The following CDC42EP4 variants were observed in gnomAD, a reference collection of about 807,000 sequenced individuals.
CDC42EP4 encodes CDC42 effector protein 4.
Under a neutral mutation model 5.6 loss-of-function variants are expected in CDC42EP4, and 6 were observed. The observed-to-expected ratio is 1.07, with a 90% CI of 0.59 to 2.12. The LOEUF is 2.12. CDC42EP4 is among the 30% of genes most tolerant of loss of function. The pLI is 0.00. For synonymous variants in CDC42EP4, 230 were observed against 224.2 expected (o/e 1.03, Z -0.23); for missense variants, 490 against 508.6 (o/e 0.96, Z 0.35).
At position 73,304,358 on chromosome 17, in the gene CDC42EP4, C is replaced by T. The variant is rs79084246; in HGVS notation, c.-113+7535G>A. On this transcript the variant is annotated intron_variant, in intron 1 of 1. Coordinates refer to ENST00000335793, the MANE Select transcript of CDC42EP4 (RefSeq NM_012121.5). The stretch of plus-strand genomic sequence containing the variant: ...CTGTAGCAGTGCAATCAAAGCTCAC[C>T]GTAACCTCAAACTTCTGGGCTCAAG... 1.4e-4 allele frequency among the ~76,000 whole-genome samples: 21 copies of T among 151,474 alleles called. No homozygotes were observed. The East Asian group carries it at 3.3e-3, about 24-fold the overall frequency.
At chr17:73,309,057 A>AAAAAAAAAC (rs1351897486) in intron 1 of CDC42EP4, among the ~76,000 whole-genome samples, 1 of 148,398 alleles carries the variant, frequency 6.7e-6, no homozygotes, top group Non-Finnish European at 1.5e-5. Flanking sequence ...AAAAAAAAAA[A>AAAAAAAAAC]AGGGTTGGCC....
At chr17:73,311,742 G>A (rs998754808) in intron 1 of CDC42EP4, among the ~76,000 whole-genome samples, 151 bp downstream of exon 1, 2 of 152,210 alleles carry the variant, frequency 1.3e-5, no homozygotes, top group African/African-American at 4.8e-5. Flanking sequence ...CCGAGAAGTG[G>A]GGGCTCCGCG....
intron 1 of CDC42EP4, among the ~76,000 whole-genome samples, chr17:73,303,486 A>T (rs1427891941): frequency 1.3e-5 from 2 of 151,840 alleles, no homozygotes; most frequent in Non-Finnish European, 2.9e-5. Context: ...ACATGGTGAG[A>T]CCCTGTCTCT....
At chr17:73,292,261 C>T (rs2062164971) in intron 1 of CDC42EP4, among the ~76,000 whole-genome samples, 1 of 152,258 alleles carries the variant, frequency 6.6e-6, no homozygotes, top group Admixed American at 6.5e-5. Context: ...GCTGTTCTAA[C>T]CAACCACCCG....
intron 1 of CDC42EP4, among the ~76,000 whole-genome samples, chr17:73,293,304 C>T (rs1016471720): frequency 1.3e-5 from 2 of 152,144 alleles, no homozygotes; most frequent in Admixed American, 6.6e-5. Flanking sequence ...GAGGCTGTTG[C>T]AGAAATGCAG....
rs2062125267 is a variant in CDC42EP4, at chr17:73,285,301, A to G, written c.*129T>C. 1.4e-6 allele frequency: 1 copy of G among 720,196 alleles called. No homozygotes were observed. The allele number at this position is 720,196 out of a possible 1,614,324, so 44.6% of individuals were successfully genotyped here. Reference sequence around the variant, plus strand: ...GGCCAGGCCAGTGTCCCTCATCTACAAGGTCCAGGGTCCATGGTCTGAATC... The same window carrying G: ...GGCCAGGCCAGTGTCCCTCATCTACGAGGTCCAGGGTCCATGGTCTGAATC... On this transcript the variant is annotated 3_prime_UTR_variant, in exon 2 of 2. Coordinates refer to ENST00000335793, the MANE Select transcript of CDC42EP4 (RefSeq NM_012121.5). The surrounding 1 kb of genome is among the most constrained non-coding windows in gnomAD (Gnocchi z 6.8).
At position 73,285,581 on chromosome 17, in the gene CDC42EP4, C is replaced by T. The variant is rs748430441; in HGVS notation, c.920G>A (p.Ser307Asn). Residue 307 changes from serine to asparagine, a missense_variant, in exon 2 of 2, where the codon AGC (serine) becomes AAC (asparagine). Transcript: ENST00000335793. This position sits in a 1 kb window ranked among gnomAD's most constrained non-coding sequence, Gnocchi z 6.8. ...RSMGSHTTRDSSSLSSCTSGI... is the reference protein window; with the variant it reads ...RSMGSHTTRDNSSLSSCTSGI... ...TGAGGTGCAGCTGGAGAGGGAGCTG[C>T]TGTCCCGTGTGGTGTGGCTGCCCAT... 1 of 1,611,668 alleles carries T rather than the reference C, an allele frequency of 6.2e-7. No homozygotes were observed. Among genetic ancestry groups the T allele is most frequent in the South Asian group, 1.1e-5 (1 of 91,050 alleles).
intron 1 of CDC42EP4, chr17:73,309,783 C>G (rs1034600318): frequency 6.6e-6 from 1 of 152,266 alleles, no homozygotes; most frequent in Admixed American, 6.5e-5. Flanking sequence ...ATGATCACAG[C>G]GGGCCCCTCC....
At chr17:73,303,462 C>T (rs2062229565) in intron 1 of CDC42EP4, among the ~76,000 whole-genome samples, 1 of 151,874 alleles carries the variant, frequency 6.6e-6, no homozygotes, top group Non-Finnish European at 1.5e-5. Flanking sequence ...AGGGGTTCAA[C>T]CCCAGCCTGG....
At chr17:73,308,333 T>C (rs533689594) in intron 1 of CDC42EP4, among the ~76,000 whole-genome samples, 1 of 152,270 alleles carries the variant, frequency 6.6e-6, no homozygotes, top group East Asian at 1.9e-4. Context: ...GTCAGCTCTG[T>C]TTCCAGGGCG....
At chr17:73,309,104 G>C (rs1294832358) in intron 1 of CDC42EP4, among the ~76,000 whole-genome samples, 1 of 140,612 alleles carries the variant, frequency 7.1e-6, no homozygotes, top group African/African-American at 2.6e-5. Flanking sequence ...CCAGCACTTT[G>C]AGAGGCCGAG....
At chr17:73,304,023 GA>G (rs1408754415) in intron 1 of CDC42EP4, among the ~76,000 whole-genome samples, 1 of 152,114 alleles carries the variant, frequency 6.6e-6, no homozygotes, top group Non-Finnish European at 1.5e-5. Context: ...GAACACTCCG[GA>G]ATAACATCTC....
chr17:73,299,792 C>T (rs2062209345), intron 1 of CDC42EP4, among the ~76,000 whole-genome samples: 1 of 152,104 alleles, frequency 6.6e-6, no homozygotes, highest in Non-Finnish European at 1.5e-5. Flanking sequence ...GGAGCTAAGA[C>T]TCACATTACT....
At position 73,285,784 on chromosome 17, in the gene CDC42EP4, G is replaced by A. The variant is rs145967511; in HGVS notation, c.717C>T (p.Tyr239=). The A allele has an allele frequency of 6.2e-7, 1 of 1,601,324 alleles. No individual in the cohort carries two copies. The highest frequency in any genetic ancestry group is 1.3e-5 in the African/African-American group (1 of 74,792). The change falls in exon 2 of 2, where the codon TAC becomes TAT. Residue 239 remains tyrosine, a synonymous_variant. Transcript: ENST00000335793. The surrounding 1 kb of genome is among the most constrained non-coding windows in gnomAD (Gnocchi z 6.8). ...EWDPEEGEGG[Y]HGDEGAAGTI... ...TGCCAGCGGCGCCCTCATCGCCATGGTAACCACCCTCCCCCTCCTCGGGGT... is the reference window on the plus strand; with the variant it reads ...TGCCAGCGGCGCCCTCATCGCCATGATAACCACCCTCCCCCTCCTCGGGGT...
intron 1 of CDC42EP4, among the ~76,000 whole-genome samples, chr17:73,299,021 T>C (rs558841880): frequency 7.9e-5 from 12 of 151,942 alleles, no homozygotes; most frequent in African/African-American, 2.9e-4. Flanking sequence ...AGTGGTGCTA[T>C]CATGGCTCAC....
In CDC42EP4 at chr17:73,305,142, G is replaced by A. The variant is rs562885540; in HGVS notation, c.-113+6751C>T. Among the ~76,000 whole-genome samples, 11 of 152,348 alleles carry A rather than the reference G, an allele frequency of 7.2e-5. No homozygotes were observed. The South Asian group carries it at 2.3e-3, about 32-fold the overall frequency. On this transcript the variant is annotated intron_variant, in intron 1 of 1. Coordinates refer to ENST00000335793, the MANE Select transcript of CDC42EP4 (RefSeq NM_012121.5). The stretch of plus-strand genomic sequence containing the variant: ...CCGGAAGCAACAACGGAGGAGTCAA[G>A]ACGAAGAGGAGCCAGTGACTCAAGG...
chr17:73,297,869 G>A (rs1000562866), intron 1 of CDC42EP4, among the ~76,000 whole-genome samples: 3 of 151,698 alleles, frequency 2.0e-5, no homozygotes, highest in Non-Finnish European at 4.4e-5. Context: ...ATGTTGACCA[G>A]GCTGGTCTTG....
At chr17:73,305,502 G>C (rs1426937357) in intron 1 of CDC42EP4, among the ~76,000 whole-genome samples, 1 of 139,122 alleles carries the variant, frequency 7.2e-6, no homozygotes, top group South Asian at 2.2e-4. Flanking sequence ...GCCACCTTGG[G>C]GTCTCCAGGA....
intron 1 of CDC42EP4, among the ~76,000 whole-genome samples, chr17:73,292,053 C>A (rs532304595): frequency 6.6e-6 from 1 of 152,230 alleles, no homozygotes; most frequent in Non-Finnish European, 1.5e-5. Flanking sequence ...AGTGACCGGG[C>A]AGTGGCCTGT....
Sources: allele counts gnomAD v4.1 joint callset (sites outside exome capture counted in the v4.1 genomes callset), GRCh38; gene constraint gnomAD v4.1.1; non-coding constraint Gnocchi (gnomAD v3.1); transcripts MANE v1.5; gene names NCBI Gene and HGNC (gene_info 2026-07-23, HGNC 2026-07-21).